NTRK3: variants seen among roughly 807,000 people sequenced by gnomAD.
The protein encoded by NTRK3 is NT-3 growth factor receptor.
Under a neutral mutation model 91.7 loss-of-function variants are expected in NTRK3, and 24 were observed. That is an observed-to-expected ratio of 0.26 (90% CI 0.19 to 0.37). The LOEUF (loss-of-function observed/expected upper bound fraction) is 0.37. Ranked by LOEUF, NTRK3 falls within the 10% of genes least tolerant of loss-of-function variation. The pLI, the probability that NTRK3 is intolerant of heterozygous loss-of-function variation, is 1.00. For synonymous variants in NTRK3, 483 were observed against 404.0 expected (o/e 1.20, Z -2.34); for missense variants, 880 against 1,068.9 (o/e 0.82, Z 2.46).
At chr15:87,945,784 C>A (rs2070411549) in intron 14 of NTRK3, among the ~76,000 whole-genome samples, 1 of 135,762 alleles carries the variant, frequency 7.4e-6, no homozygotes, top group East Asian at 2.3e-4. Context: ...AATGGCACTG[C>A]TGAAAGAGTG....
chr15:88,170,215 T>C (rs1007986238), intron 5 of NTRK3, among the ~76,000 whole-genome samples: 1 of 152,096 alleles, frequency 6.6e-6, no homozygotes, highest in Non-Finnish European at 1.5e-5. Context: ...AAAAAATCAA[T>C]GATTACATGC....
intron 3 of NTRK3, among the ~76,000 whole-genome samples, chr15:88,238,757 A>T (rs1032074471): frequency 1.3e-5 from 2 of 152,256 alleles, no homozygotes; most frequent in African/African-American, 4.8e-5. Context: ...GGATTTCATC[A>T]TCTCACTATG....
At position 88,130,400 on chromosome 15, in the gene NTRK3, A is replaced by C. The variant is rs75879703; in HGVS notation, c.1205-1666T>G. Among the ~76,000 whole-genome samples, 1,295 of 152,316 alleles carry C rather than the reference A, an allele frequency of 8.5e-3. 18 individuals carry two copies. The highest frequency in any genetic ancestry group is 0.031 in the Middle Eastern group (9 of 294). On this transcript the variant is annotated intron_variant, in intron 10 of 18. Coordinates refer to ENST00000394480, the Ensembl canonical transcript of NTRK3. The stretch of plus-strand genomic sequence containing the variant: ...CAGGCAAGAATCATCAATGAATGTT[A>C]GAGTGTGAAAGAAGGATGAGAAACA...
intron 13 of NTRK3, among the ~76,000 whole-genome samples, chr15:88,102,620 C>T (rs2050289847): frequency 6.6e-6 from 1 of 152,062 alleles, no homozygotes. Context: ...ACATGTACCC[C>T]ATAAGTATGT....
At chr15:87,954,555 G>A (rs1002261267) in intron 14 of NTRK3, among the ~76,000 whole-genome samples, 2 of 152,112 alleles carry the variant, frequency 1.3e-5, no homozygotes, top group African/African-American at 4.8e-5. Context: ...ATAAAATCAG[G>A]AAGGAATTAA....
chr15:88,047,006 G>A (rs1249791434), intron 13 of NTRK3, among the ~76,000 whole-genome samples: 3 of 152,072 alleles, frequency 2.0e-5, no homozygotes, highest in Admixed American at 2.0e-4. Context: ...TGCCCTGACC[G>A]CCCTGCAGAG....
chr15:88,239,075 A>G (rs2052071542), intron 3 of NTRK3, among the ~76,000 whole-genome samples: 1 of 152,226 alleles, frequency 6.6e-6, no homozygotes, highest in Admixed American at 6.5e-5. Flanking sequence ...TGCTAGCACT[A>G]TGAGCTCCAG....
intron 3 of NTRK3, among the ~76,000 whole-genome samples, chr15:88,250,664 C>T (rs1015654143): frequency 1.3e-5 from 2 of 152,176 alleles, no homozygotes; most frequent in Admixed American, 1.3e-4. Flanking sequence ...TGGCCCAGCA[C>T]CAAGAGAGAG....
At chr15:87,969,859 G>A (rs1157008825) in intron 14 of NTRK3, among the ~76,000 whole-genome samples, 1 of 152,152 alleles carries the variant, frequency 6.6e-6, no homozygotes, top group East Asian at 1.9e-4. Context: ...GACAGAGAGG[G>A]TCTATTAACC....
rs1211117811 is a variant in NTRK3, at chr15:88,183,559, G to A, written c.324-70C>T. 6 of 1,434,320 alleles carry A rather than the reference G, an allele frequency of 4.2e-6. No homozygotes were observed. In the East Asian group the frequency reaches 9.1e-5, roughly 22 times the overall value. The allele number at this position is 1,434,320 out of a possible 1,614,324, so 88.8% of individuals were successfully genotyped here. A position where few individuals can be genotyped will look rare whatever the true frequency, so the allele number is the denominator to read the frequency against. On this transcript the variant is annotated intron_variant, in intron 4 of 18. Coordinates refer to ENST00000394480, the Ensembl canonical transcript of NTRK3. ...GGGATATCTGCTCTGGGCTGAGGCT[G>A]GCAGGGGGTGAGGCTAAGGCTGGCC...
At chr15:87,949,983 C>T (rs2070943191) in intron 14 of NTRK3, among the ~76,000 whole-genome samples, 1 of 152,176 alleles carries the variant, frequency 6.6e-6, no homozygotes, top group South Asian at 2.1e-4. Flanking sequence ...CTTCAAAGTG[C>T]CCATATGAGG....
At chr15:88,086,449 G>T (rs1448288089) in intron 13 of NTRK3, among the ~76,000 whole-genome samples, 1 of 152,052 alleles carries the variant, frequency 6.6e-6, no homozygotes, top group Non-Finnish European at 1.5e-5. Flanking sequence ...ATGGTCAAAT[G>T]ATAGTATTTT....
chr15:87,942,790 C>A (rs1596336931), intron 14 of NTRK3, among the ~76,000 whole-genome samples: 1 of 152,266 alleles, frequency 6.6e-6, no homozygotes, highest in East Asian at 1.9e-4. Flanking sequence ...TTACCTATTA[C>A]CTGAGCATGG....
chr15:87,964,460 T>C (rs1023157997), intron 14 of NTRK3, among the ~76,000 whole-genome samples: 5 of 151,736 alleles, frequency 3.3e-5, no homozygotes, highest in African/African-American at 1.2e-4. Flanking sequence ...ATTTATTATA[T>C]AACTTATTTT....
At chr15:88,160,007 C>G (rs531210869) in intron 5 of NTRK3, among the ~76,000 whole-genome samples, 2 of 144,772 alleles carry the variant, frequency 1.4e-5, no homozygotes, top group South Asian at 4.5e-4. Context: ...GCTTGAACTT[C>G]ATGCCTGGTG....
chr15:88,182,877 C>G (rs1295034903), intron 5 of NTRK3, among the ~76,000 whole-genome samples: 1 of 152,168 alleles, frequency 6.6e-6, no homozygotes, highest in Non-Finnish European at 1.5e-5. Context: ...CCATAACCAC[C>G]TGACCTCTAG....
intron 14 of NTRK3, among the ~76,000 whole-genome samples, chr15:87,964,899 C>T (rs567942124): frequency 2.6e-5 from 4 of 152,268 alleles, no homozygotes; most frequent in South Asian, 2.1e-4. Context: ...ATAAACATTG[C>T]GTTTTTCTGC....
chr15:88,192,499 G>A (rs148892652), intron 3 of NTRK3, among the ~76,000 whole-genome samples: 54 of 152,156 alleles, frequency 3.5e-4, no homozygotes, highest in Non-Finnish European at 5.7e-4. Context: ...CCTCCTACCT[G>A]GCCTCCCTGC....
chr15:88,013,339 C>G (rs2077014288), intron 14 of NTRK3, among the ~76,000 whole-genome samples: 1 of 152,220 alleles, frequency 6.6e-6, no homozygotes, highest in African/African-American at 2.4e-5. Flanking sequence ...GGTTCCTTCT[C>G]TAACCCAGAG....
Sources: gnomAD v4.1 joint callset for allele counts (sites outside exome capture counted in the v4.1 genomes callset) on GRCh38, gnomAD v4.1.1 for gene constraint, MANE v1.5 for transcripts, NCBI Gene and HGNC (gene_info 2026-07-23, HGNC 2026-07-21) for gene names.